Variants in FSIP2 observed in about 807,000 individuals in gnomAD.
FSIP2 encodes the protein fibrous sheath interacting protein 2.
FSIP2 carries 367 observed loss-of-function variants against 510.5 expected under a neutral mutation model. The observed-to-expected ratio is 0.72, with a 90% confidence interval of 0.66 to 0.78. The LOEUF (loss-of-function observed/expected upper bound fraction) is 0.78, where lower values mean the gene tolerates loss of function less well. Among genes scored for constraint, FSIP2 ranks in the 30% least tolerant of loss-of-function variants. FSIP2 has a pLI of 0.00. For missense variants in FSIP2, 7,594 were observed against 7,901.7 expected (o/e 0.96, Z 1.48); for synonymous variants, 2,601 against 2,732.2 (o/e 0.95, Z 1.50).
intron 17 of FSIP2, among the ~76,000 whole-genome samples, chr2:185,811,958 C>T (rs1339842082): frequency 2.0e-5 from 3 of 152,122 alleles, no homozygotes; most frequent in African/African-American, 7.2e-5. Context: ...AAGCCTGCTG[C>T]AGGAGTGGAG....
chr2:185,812,381 G>T (rs1159962572), intron 17 of FSIP2, among the ~76,000 whole-genome samples: 1 of 152,072 alleles, frequency 6.6e-6, no homozygotes, highest in Non-Finnish European at 1.5e-5. Context: ...AAACATGAAT[G>T]TTTGCCCAAT....
rs1263033020 is a variant in FSIP2, at chr2:185,807,853, G to C, written c.18547G>C (p.Ala6183Pro). The C allele has an allele frequency of 5.0e-6, 8 of 1,610,446 alleles. No homozygotes were observed. The highest frequency in any genetic ancestry group is 1.3e-5 in the African/African-American group (1 of 74,716). The change falls in exon 17 of 23, where the codon GCT becomes CCT. Residue 6183 changes from alanine to proline, a missense_variant. By Grantham distance (27) the Ala-to-Pro change is conservative (BLOSUM62 -1). Coordinates refer to ENST00000424728, the MANE Select transcript of FSIP2 (RefSeq NM_173651.4). ...GTCTTATAACATAATAGAAGAAATT[G>C]CTGTGAAATTTTTATCAAAGCTTTT... ...KLSYNIIEEI[A>P]VKFLSKLLSI... is the part of the protein sequence containing the mutation.
Position 185,795,003 on chromosome 2 carries a change from T to C in FSIP2, c.7867T>C (p.Tyr2623His), listed in dbSNP as rs771251879. The C allele has an allele frequency of 6.5e-7, 1 of 1,533,994 alleles. No individual in the cohort carries two copies. Among genetic ancestry groups the C allele is most frequent in the South Asian group, 1.2e-5 (1 of 83,824 alleles). Residue 2623 changes from tyrosine to histidine, a missense_variant, in exon 16 of 23, where the codon TAT (tyrosine) becomes CAT (histidine). Physicochemically the swap from Tyr to His is moderately conservative, Grantham distance 83. Coordinates refer to ENST00000424728, the MANE Select transcript of FSIP2 (RefSeq NM_173651.4). ...TGTGATGGAAAACACTCTTTTGCCA[T>C]ATTTACCATTGCAAGTGAAGAAAGA... The part of the protein sequence containing the change: ...ISVMENTLLP[Y>H]LPLQVKKDLI...
rs562653507 is a variant in FSIP2 at position 185,789,995 on chromosome 2, T to C, written c.2859T>C (p.Ser953=). The change falls in exon 16 of 23, where the codon AGT becomes AGC. Residue 953 remains serine, a synonymous_variant. Transcript: ENST00000424728. ...TCCATCAGGAACCAGTAAATGAAAG[T>C]TTTCAAAAAAGTAGGCAACCTAGAA... ...FQLHQEPVNE[S]FQKSRQPRIS... is the part of the protein sequence containing the mutation. 85 of 1,533,742 alleles carry C rather than the reference T, an allele frequency of 5.5e-5. 4 individuals carry two copies. In the Middle Eastern group the frequency reaches 8.4e-4, roughly 15 times the overall value.
At position 185,793,275 on chromosome 2, in the gene FSIP2, G is replaced by A; in HGVS notation, c.6139G>A (p.Asp2047Asn). 1 of 1,534,204 alleles carries A rather than the reference G, an allele frequency of 6.5e-7. No individual in the cohort carries two copies. Among genetic ancestry groups the A allele is most frequent in the Admixed American group, 2.0e-5 (1 of 50,862 alleles). The change falls in exon 16 of 23, where the codon GAC (aspartate) becomes AAC (asparagine). Residue 2047 changes from aspartate to asparagine, a missense_variant. Transcript: ENST00000424728. ...AAGTCAAATTGTTAACGCATTGTTA[G>A]ACATTATATCACGTAAAGGCAAATG... ...IASQIVNALLDIISRKGKCDK... is the reference protein window; with the variant it reads ...IASQIVNALLNIISRKGKCDK...
At chr2:185,753,086 A>G (rs566234450) in intron 7 of FSIP2, among the ~76,000 whole-genome samples, 39 of 151,304 alleles carry the variant, frequency 2.6e-4, no homozygotes, top group Admixed American at 5.3e-4. Flanking sequence ...ATGACTCATG[A>G]GGTTTTTCCA....
intron 13 of FSIP2, among the ~76,000 whole-genome samples, chr2:185,767,981 T>C (rs1016432163): frequency 3.3e-5 from 5 of 152,196 alleles, no homozygotes; most frequent in African/African-American, 1.2e-4. Context: ...TTTACATTTC[T>C]ACCAACTATG....
Position 185,805,422 on chromosome 2 carries a change from T to G in FSIP2, c.16116T>G (p.Asp5372Glu). ...KCTSHDIQKGDESNIAIGMIA... is the reference protein window; with the variant it reads ...KCTSHDIQKGEESNIAIGMIA... ...CATCTCATGATATTCAAAAAGGTGA[T>G]GAAAGTAACATTGCTATAGGGATGA... The change falls in exon 17 of 23, where the codon GAT becomes GAG. Residue 5372 changes from aspartate to glutamate, a missense_variant. Asp to Glu is a conservative substitution (Grantham distance 45). Transcript: ENST00000424728. 6.2e-7 allele frequency: 1 copy of G among 1,604,636 alleles called. No homozygotes were observed. The highest frequency in any genetic ancestry group is 8.5e-7 in the Non-Finnish European group (1 of 1,176,304).
rs1196554888 is a variant in FSIP2 at position 185,796,309 on chromosome 2, T to C, written c.9173T>C (p.Ile3058Thr). ...TCTGATAAATCCGAGTCAAATACTA[T>C]TAATTTCAAGGAAAACATACAGAAT... ...MFSDKSESNT[I>T]NFKENIQNIL... The change falls in exon 16 of 23, where the codon ATT becomes ACT. Residue 3058 changes from isoleucine (I) to threonine (T), a missense_variant. By Grantham distance (89) the Ile-to-Thr change is moderately conservative. Coordinates refer to ENST00000424728, the MANE Select transcript of FSIP2 (RefSeq NM_173651.4). The C allele has an allele frequency of 6.5e-7, 1 of 1,533,812 alleles. No individual in the cohort carries two copies. The highest frequency in any genetic ancestry group is 8.7e-7 in the Non-Finnish European group (1 of 1,145,402).
Position 185,808,508 on chromosome 2 carries a change from T to C in FSIP2, c.19202T>C (p.Ile6401Thr). ...ATTTCCAGAAGTAGCATTAGTCTAATAGCTTCTGATCCTGAAGAGCACTGT... is the reference window on the plus strand; with the variant it reads ...ATTTCCAGAAGTAGCATTAGTCTAACAGCTTCTGATCCTGAAGAGCACTGT... Reference protein sequence around the residue: ...AEISRSSISLIASDPEEHCLN... With the variant: ...AEISRSSISLTASDPEEHCLN... The change falls in exon 17 of 23, where the codon ATA (isoleucine) becomes ACA (threonine). Residue 6401 changes from isoleucine (I) to threonine (T), a missense_variant. By Grantham distance (89) the Ile-to-Thr change is moderately conservative (BLOSUM62 -1). Transcript: ENST00000424728. The C allele has an allele frequency of 1.2e-6, 2 of 1,610,976 alleles. No homozygotes were observed. Among genetic ancestry groups the C allele is most frequent in the Non-Finnish European group, 1.7e-6 (2 of 1,178,822 alleles).
rs778166061 is a variant in FSIP2 at position 185,808,819 on chromosome 2, C to T, written c.19513C>T (p.Gln6505Ter). The change falls in exon 17 of 23, where the codon CAA (glutamine) becomes TAA (stop). Residue 6505 changes from glutamine to a stop codon, truncating the protein, a stop_gained. Transcript: ENST00000424728. LOFTEE classifies it high-confidence loss of function. ...HAFNVIPELE[Q>*]EKLDQNLSEE... ...TTTTAATGTGATTCCTGAATTAGAG[C>T]AAGAAAAGTTAGATCAAAATTTATC... 1 of 1,612,336 alleles carries T rather than the reference C, an allele frequency of 6.2e-7. No homozygotes were observed. Among genetic ancestry groups the T allele is most frequent in the South Asian group, 1.1e-5 (1 of 90,846 alleles).
At position 185,763,238 on chromosome 2, in the gene FSIP2, G is replaced by A. The variant is rs531666487; in HGVS notation, c.1296G>A (p.Thr432=). Residue 432 remains threonine (T), a synonymous_variant, in exon 12 of 23, where the codon ACG becomes ACA. Coordinates refer to ENST00000424728, the MANE Select transcript of FSIP2 (RefSeq NM_173651.4). ...TTATTTCAGCGCAGGTATCACCCAC[G>A]AGAAATTTTTCCAGAGTTTCACAGG... ...GSIISAQVSP[T]RNFSRVSQAF... The A allele has an allele frequency of 5.3e-6, 8 of 1,523,088 alleles. No individual in the cohort carries two copies. The highest frequency in any genetic ancestry group is 1.2e-5 in the South Asian group (1 of 83,762). 94.3% of individuals were successfully genotyped at this position (1,523,088 alleles called of 1,614,324 possible).
At position 185,803,075 on chromosome 2, in the gene FSIP2, A is replaced by G; in HGVS notation, c.13769A>G (p.Gln4590Arg). 6.6e-7 allele frequency: 1 copy of G among 1,514,592 alleles called. No homozygotes were observed. Among genetic ancestry groups the G allele is most frequent in the South Asian group, 1.2e-5 (1 of 80,044 alleles). The allele number at this position is 1,514,592 out of a possible 1,614,324, so 93.8% of individuals were successfully genotyped here. A position where few individuals can be genotyped will look rare whatever the true frequency, so the allele number is the denominator to read the frequency against. ...IIKHICQKHL[Q>R]PFVSGKSLSS... ...AAACATATCTGTCAAAAACATCTTC[A>G]GCCATTTGTGAGTGGAAAATCATTA... The change falls in exon 17 of 23, where the codon CAG (glutamine) becomes CGG (arginine). Residue 4590 changes from glutamine to arginine, a missense_variant. Coordinates refer to ENST00000424728, the MANE Select transcript of FSIP2 (RefSeq NM_173651.4).
At chr2:185,777,162 G>T (rs1037005335) in intron 13 of FSIP2, among the ~76,000 whole-genome samples, 1 of 152,152 alleles carries the variant, frequency 6.6e-6, no homozygotes, top group African/African-American at 2.4e-5. Context: ...TTTTGCTTCT[G>T]AGGATGACCA....
At chr2:185,788,533 G>A (rs1693041135) in intron 15 of FSIP2, 110 bp from the exon 16 acceptor site, 2 of 638,842 alleles carry the variant, frequency 3.1e-6, no homozygotes, top group Non-Finnish European at 5.0e-6. Flanking sequence ...AAACCATAAT[G>A]GTATTCCACC....
chr2:185,775,743 A>T (rs1459919592), intron 13 of FSIP2, among the ~76,000 whole-genome samples: 1 of 152,100 alleles, frequency 6.6e-6, no homozygotes, highest in Non-Finnish European at 1.5e-5. Flanking sequence ...GGCTCACTGC[A>T]ACCCCTGCCT....
intron 13 of FSIP2, chr2:185,766,347 C>G (rs1188670600): frequency 6.7e-6 from 1 of 149,726 alleles, no homozygotes; most frequent in Non-Finnish European, 1.5e-5. Context: ...AGCTTCTGCA[C>G]AGCAAAAGAA....
intron 3 of FSIP2, among the ~76,000 whole-genome samples, 170 bp downstream of exon 3, chr2:185,743,464 A>G (rs750510537): frequency 2.0e-5 from 3 of 152,208 alleles, no homozygotes; most frequent in Non-Finnish European, 4.4e-5. Context: ...GAGAAATCAG[A>G]CAACAGTTGT....
At chr2:185,746,883 T>G (rs187621846) in intron 6 of FSIP2, 73 bp downstream of exon 6, 13 of 1,083,314 alleles carry the variant, frequency 1.2e-5, no homozygotes, top group African/African-American at 1.6e-5. Context: ...TAATTTTAAC[T>G]GTACATTGTG....
Sources: gnomAD v4.1 joint callset for allele counts (sites outside exome capture counted in the v4.1 genomes callset) on GRCh38, gnomAD v4.1.1 for gene constraint, MANE v1.5 for transcripts, NCBI Gene and HGNC (gene_info 2026-07-23, HGNC 2026-07-21) for gene names.